STK32C: variants seen among roughly 807,000 people sequenced by gnomAD.
STK32C encodes the protein serine/threonine-protein kinase 32C.
STK32C carries 31 observed loss-of-function variants against 56.5 expected under a neutral mutation model. The observed-to-expected ratio is 0.55, with a 90% CI of 0.41 to 0.74. The LOEUF is 0.74. STK32C is among the 30% of genes least tolerant of loss of function. The pLI, the probability that STK32C is intolerant of heterozygous loss-of-function variation, is 0.00. For synonymous variants in STK32C, 309 were observed against 289.4 expected, an observed-to-expected ratio of 1.07 and a Z score of -0.69; for missense variants, 544 against 676.9, an observed-to-expected ratio of 0.80 and a Z score of 2.18.
intron 1 of STK32C, among the ~76,000 whole-genome samples, chr10:132,273,846 GCACA>G (rs796087707): frequency 0.073 from 10,857 of 149,076 alleles, 438 homozygotes; most frequent in African/African-American, 0.11. Flanking sequence ...GTGAATGAAC[GCACA>G]GTGAGTGAAT....
downstream of STK32C, among the ~76,000 whole-genome samples, chr10:132,319,670 C>A (rs1000947956): frequency 6.6e-6 from 1 of 152,110 alleles, no homozygotes; most frequent in African/African-American, 2.4e-5. Flanking sequence ...GGGGTGAGAG[C>A]GGAATGGACT....
chr10:132,322,274 A>G (rs1257025392), downstream of STK32C, among the ~76,000 whole-genome samples: 1 of 152,160 alleles, frequency 6.6e-6, no homozygotes, highest in Non-Finnish European at 1.5e-5. Flanking sequence ...TCTTTTCCCT[A>G]TTGAATCATA....
At chr10:132,212,020 G>A (rs184926743) in intron 10 of STK32C, among the ~76,000 whole-genome samples, 1 of 152,076 alleles carries the variant, frequency 6.6e-6, no homozygotes, top group Admixed American at 6.5e-5. Context: ...CACCCACAGC[G>A]AGGAGGGGCC....
chr10:132,301,282 C>A (rs928955510), intron 1 of STK32C, among the ~76,000 whole-genome samples: 3 of 152,184 alleles, frequency 2.0e-5, no homozygotes, highest in Non-Finnish European at 4.4e-5. Context: ...TGGTCCTCCA[C>A]TAATGTGAAC....
At chr10:132,297,860 T>C (rs1210060044) in intron 1 of STK32C, among the ~76,000 whole-genome samples, 1 of 152,230 alleles carries the variant, frequency 6.6e-6, no homozygotes, top group Non-Finnish European at 1.5e-5. Context: ...AGGAAGATGT[T>C]GACTCCACTC....
chr10:132,264,086 G>T (rs1364926473), intron 1 of STK32C, among the ~76,000 whole-genome samples: 2 of 152,086 alleles, frequency 1.3e-5, no homozygotes, highest in African/African-American at 4.8e-5. Flanking sequence ...GGGGCAGGCG[G>T]TGGCGACGGA....
intron 1 of STK32C, among the ~76,000 whole-genome samples, chr10:132,328,252 T>A (rs2066541568): frequency 6.6e-6 from 1 of 152,064 alleles, no homozygotes; most frequent in Non-Finnish European, 1.5e-5. Flanking sequence ...ATTGGTCAGG[T>A]TGGAGATGGA....
At chr10:132,215,804 A>T (rs1421606005) in intron 10 of STK32C, among the ~76,000 whole-genome samples, 1 of 152,250 alleles carries the variant, frequency 6.6e-6, no homozygotes, top group Admixed American at 6.5e-5. Context: ...TCAGAAGAAG[A>T]CAGGAAAATG....
intron 1 of STK32C, among the ~76,000 whole-genome samples, chr10:132,283,416 C>G (rs957874486): frequency 6.6e-6 from 1 of 152,206 alleles, no homozygotes; most frequent in Non-Finnish European, 1.5e-5. Flanking sequence ...GCCACGCCCC[C>G]CTCACCGTGC....
chr10:132,265,796 G>A (rs2064501324), intron 1 of STK32C, among the ~76,000 whole-genome samples: 1 of 152,176 alleles, frequency 6.6e-6, no homozygotes, highest in African/African-American at 2.4e-5. Context: ...GGAAACACAA[G>A]GAAAACCCAA....
chr10:132,331,954 G>C, upstream of STK32C: 1 of 514,226 alleles, frequency 1.9e-6, no homozygotes, highest in Non-Finnish European at 3.2e-6. Context: ...CCCCAGCGCA[G>C]GCGCACCACA....
rs896932560 is a variant in STK32C at position 132,294,954 on chromosome 10, A to G, written c.262+12618T>C. Reference sequence around the variant, plus strand: ...AATCATGTGTGGTCCACAAGGGAACACTGAGGCCCGGCCAGCAGAGCCAGG... The same window carrying G: ...AATCATGTGTGGTCCACAAGGGAACGCTGAGGCCCGGCCAGCAGAGCCAGG... On this transcript the variant is annotated intron_variant, in intron 1 of 11. Transcript: ENST00000298630. 2.0e-5 allele frequency among the ~76,000 whole-genome samples: 3 copies of G among 151,812 alleles called. No individual in the cohort carries two copies. The East Asian group carries it at 5.9e-4, about 30-fold the overall frequency.
chr10:132,260,232 C>T (rs930305718), intron 1 of STK32C, among the ~76,000 whole-genome samples: 2 of 152,192 alleles, frequency 1.3e-5, no homozygotes, highest in African/African-American at 2.4e-5. Context: ...CCTCAGCCTC[C>T]GCCTGGCCCC....
intron 10 of STK32C, among the ~76,000 whole-genome samples, chr10:132,222,383 A>G (rs1253009893): frequency 6.6e-6 from 1 of 151,020 alleles, no homozygotes; most frequent in Admixed American, 6.6e-5. Context: ...CTGGGCAAGC[A>G]CGAAGGCTTC....
At position 132,331,725 on chromosome 10, in the gene STK32C, G is replaced by C. The variant is rs11146334; in HGVS notation, c.12C>G (p.Ala4=). 9.8e-4 allele frequency: 1,583 copies of C among 1,612,406 alleles called. 5 individuals carry two copies. The African/African-American group carries it at 0.017, about 17-fold the overall frequency. ...CCCCGGGCCCTCCGGCTCCCCAGAC[G>C]GCACTTAGCATCCCGCTCTCTTCCT... The change falls in exon 1 of 2, where the codon GCC becomes GCG. Residue 4 remains alanine, a synonymous_variant. Coordinates refer to the STK32C transcript ENST00000368619.
At chr10:132,233,235 C>T (rs906047284) in intron 2 of STK32C, among the ~76,000 whole-genome samples, 3 of 152,158 alleles carry the variant, frequency 2.0e-5, no homozygotes, top group Admixed American at 6.5e-5. Context: ...TATGGGGCCT[C>T]TGGGGAGGGC....
chr10:132,241,693 C>T (rs1033366459), intron 2 of STK32C, among the ~76,000 whole-genome samples: 4 of 152,204 alleles, frequency 2.6e-5, no homozygotes, highest in Admixed American at 1.3e-4. Flanking sequence ...CAGAACACTG[C>T]GGACTCACTG....
At chr10:132,238,519 C>T (rs2063378672) in intron 2 of STK32C, among the ~76,000 whole-genome samples, 1 of 152,192 alleles carries the variant, frequency 6.6e-6, no homozygotes, top group African/African-American at 2.4e-5. Context: ...AGGTTTGAGA[C>T]TGGCCTGTGG....
In STK32C at chr10:132,303,604, C is replaced by T. The variant is rs2065973679; in HGVS notation, c.262+3968G>A. ...ACAGGACACATGCCGCTAACAAGCGCGGGCAGGCAATTCAAAAAGTGTGGA... is the reference window on the plus strand; with the variant it reads ...ACAGGACACATGCCGCTAACAAGCGTGGGCAGGCAATTCAAAAAGTGTGGA... On this transcript the variant is annotated intron_variant, in intron 1 of 11. Transcript: ENST00000298630. 2.6e-5 allele frequency among the ~76,000 whole-genome samples: 4 copies of T among 152,206 alleles called. No homozygotes were observed. In the South Asian group the frequency reaches 6.2e-4, roughly 24 times the overall value.
Sources: gnomAD v4.1 joint callset for allele counts (sites outside exome capture counted in the v4.1 genomes callset) on GRCh38, gnomAD v4.1.1 for gene constraint, MANE v1.5 for transcripts, NCBI Gene and HGNC (gene_info 2026-07-23, HGNC 2026-07-21) for gene names.